Variants in MCRIP1 observed in about 807,000 individuals in gnomAD.
The protein encoded by MCRIP1 is mapk-regulated corepressor-interacting protein 1.
MCRIP1 carries 10 observed loss-of-function variants against 14.4 expected under a neutral mutation model. The ratio of observed to expected loss-of-function variants is 0.70; its 90% confidence interval spans 0.43 to 1.18. The LOEUF (loss-of-function observed/expected upper bound fraction) is 1.18. MCRIP1 is among the 50% of genes most tolerant of loss of function. The pLI, the probability that MCRIP1 is intolerant of heterozygous loss-of-function variation, is 0.00. For synonymous variants in MCRIP1, 53 were observed against 55.7 expected, an observed-to-expected ratio of 0.95 and a Z score of 0.21; for missense variants, 119 against 135.4, an observed-to-expected ratio of 0.88 and a Z score of 0.60.
At chr17:81,832,053 G>A (rs542792432) in intron 1 of MCRIP1, among the ~76,000 whole-genome samples, 3 of 152,304 alleles carry the variant, frequency 2.0e-5, no homozygotes, top group African/African-American at 7.2e-5. Context: ...AACAGGCCAT[G>A]AGGTAACACT....
chr17:81,827,709 G>A (rs529312516), intron 1 of MCRIP1, among the ~76,000 whole-genome samples: 1 of 151,816 alleles, frequency 6.6e-6, no homozygotes, highest in Admixed American at 6.6e-5. Context: ...GTGACAGAGG[G>A]AGACTCTGTC....
intron 1 of MCRIP1, chr17:81,825,925 T>C (rs1423436973): frequency 7.7e-7 from 1 of 1,296,182 alleles, no homozygotes. Context: ...GAAGCTCCCG[T>C]TACAGAGAAA....
rs1476492595 is a variant in MCRIP1 at position 81,828,876 on chromosome 17, A to T, written c.-48-4322T>A. On this transcript the variant is annotated intron_variant, in intron 1 of 4. Transcript: ENST00000455127. The stretch of plus-strand genomic sequence containing the variant: ...CCATGGAGCCACAATAAGGCCTCCA[A>T]CAACCTCAGCGGGGCGGCCTAGCAT... Among the ~76,000 whole-genome samples, 3 of 152,346 alleles carry T rather than the reference A, an allele frequency of 2.0e-5. No homozygotes were observed. The East Asian group carries it at 5.8e-4, about 29-fold the overall frequency.
At position 81,824,552 on chromosome 17, in the gene MCRIP1, C is replaced by T. The variant is rs1416093456; in HGVS notation, c.-46G>A. 31 of 1,535,908 alleles carry T rather than the reference C, an allele frequency of 2.0e-5. No individual in the cohort carries two copies. The highest frequency in any genetic ancestry group is 4.9e-5 in the East Asian group (2 of 40,908). On this transcript the variant is annotated splice_region_variant and 5_prime_UTR_variant, in exon 2 of 5. Coordinates refer to ENST00000455127, the MANE Select transcript of MCRIP1 (RefSeq NM_207368.5). ...GCGCTCCACCGCCAGATCCCCTCAG[C>T]CTCTGAAACAGAAGCCAGCGCAGGC... is the stretch of plus-strand genomic sequence containing the variant.
intron 1 of MCRIP1, chr17:81,826,121 G>A (rs1002505784): frequency 4.4e-5 from 65 of 1,481,742 alleles, no homozygotes; most frequent in Non-Finnish European, 5.6e-5. Flanking sequence ...CCTTTGGCCT[G>A]GGATCCCCCT....
In MCRIP1 at chr17:81,823,913, C is replaced by T. The variant is rs540331099; in HGVS notation, c.127+374G>A. On this transcript the variant is annotated intron_variant, in intron 3 of 4. Transcript: ENST00000455127. The surrounding 1 kb of genome is among the most constrained non-coding windows in gnomAD (Gnocchi z 6.0). Reference sequence around the variant, plus strand: ...CCACCTCCCGGCCACTTCTGCAACACGCCCGTTCATGGCTGGATGCGTGCC... The same window carrying T: ...CCACCTCCCGGCCACTTCTGCAACATGCCCGTTCATGGCTGGATGCGTGCC... 3.9e-6 allele frequency: 2 copies of T among 514,022 alleles called. No individual in the cohort carries two copies. Among genetic ancestry groups the T allele is most frequent in the Non-Finnish European group, 3.5e-6 (1 of 289,820 alleles). The allele number at this position is 514,022 out of a possible 1,614,324, so 31.8% of individuals were successfully genotyped here.
chr17:81,827,776 A>ATTTTTT (rs757592037), intron 1 of MCRIP1, among the ~76,000 whole-genome samples: 5 of 110,772 alleles, frequency 4.5e-5, no homozygotes, highest in African/African-American at 1.1e-4. Context: ...GCACCCATAC[A>ATTTTTT]TTTTTTTTTT....
intron 1 of MCRIP1, among the ~76,000 whole-genome samples, chr17:81,827,113 G>A (rs1183549400): frequency 8.2e-5 from 12 of 146,006 alleles, no homozygotes; most frequent in African/African-American, 2.3e-4. Context: ...GCAAGACTCC[G>A]TCTAAAAGAA....
intron 1 of MCRIP1, chr17:81,825,445 T>G (rs1032986219): frequency 6.7e-6 from 8 of 1,187,356 alleles, no homozygotes; most frequent in Non-Finnish European, 2.1e-6. Flanking sequence ...GGGAGGGGAG[T>G]CCCAGGATTC....
Position 81,823,413 on chromosome 17 carries a change from C to G in MCRIP1, c.228G>C (p.Lys76Asn). 6.5e-7 allele frequency: 1 copy of G among 1,536,752 alleles called. No individual in the cohort carries two copies. Among genetic ancestry groups the G allele is most frequent in the East Asian group, 2.4e-5 (1 of 40,896 alleles). ...GCCCCCAGGTCAGCCCCCACTCACTCTTCAGGCTGGGGTTAGGGACCTTCT... is the reference window on the plus strand; with the variant it reads ...GCCCCCAGGTCAGCCCCCACTCACTGTTCAGGCTGGGGTTAGGGACCTTCT... ...YVEKVPNPSL[K>N]TFKPIDLSDL... The change falls in exon 4 of 5, where the codon AAG (lysine) becomes AAC (asparagine). Residue 76 changes from lysine (K) to asparagine (N), a missense_variant and splice_region_variant. By Grantham distance (94) the Lys-to-Asn change is moderately conservative. Transcript: ENST00000455127. The surrounding 1 kb of genome is among the most constrained non-coding windows in gnomAD (Gnocchi z 6.0).
intron 1 of MCRIP1, 133 bp from the exon 2 acceptor site, chr17:81,824,687 G>T (rs2038352248): frequency 1.4e-6 from 2 of 1,475,052 alleles, no homozygotes; most frequent in Non-Finnish European, 1.8e-6. Context: ...GCCTACCAGG[G>T]TGTCCCCCAC....
chr17:81,826,059 C>A, intron 1 of MCRIP1: 1 of 1,455,954 alleles, frequency 6.9e-7, no homozygotes. Context: ...CGTGGCTCTT[C>A]TCCCCATGCA....
chr17:81,831,173 C>CAAA (rs552681742), intron 1 of MCRIP1, among the ~76,000 whole-genome samples: 1 of 114,050 alleles, frequency 8.8e-6, no homozygotes, highest in Non-Finnish European at 1.8e-5. Flanking sequence ...CTCTGTCTCT[C>CAAA]AAAAAAAAAA....
At position 81,823,003 on chromosome 17, in the gene MCRIP1, T is replaced by G. The variant is rs1372755434; in HGVS notation, c.*244A>C. The G allele has an allele frequency of 1.7e-6, 1 of 594,448 alleles. No homozygotes were observed. Among genetic ancestry groups the G allele is most frequent in the Non-Finnish European group, 3.0e-6 (1 of 334,898 alleles). The allele number at this position is 594,448 out of a possible 1,614,324, so 36.8% of individuals were successfully genotyped here. A position where few individuals can be genotyped will look rare whatever the true frequency, so the allele number is the denominator to read the frequency against. ...AGCTTCAAAAATGCAGCCAGGTGGCTGGGGGAGGGCAGGAGGGTGGGCAGG... is the reference window on the plus strand; with the variant it reads ...AGCTTCAAAAATGCAGCCAGGTGGCGGGGGGAGGGCAGGAGGGTGGGCAGG... On this transcript the variant is annotated 3_prime_UTR_variant, in exon 5 of 5. Transcript: ENST00000455127. The surrounding 1 kb of genome is among the most constrained non-coding windows in gnomAD (Gnocchi z 6.0).
At chr17:81,829,239 C>T (rs1156750334) in intron 1 of MCRIP1, among the ~76,000 whole-genome samples, 1 of 150,962 alleles carries the variant, frequency 6.6e-6, no homozygotes, top group Non-Finnish European at 1.5e-5. Context: ...GGCGGCCTGA[C>T]CGAGGCCGAC....
intron 1 of MCRIP1, among the ~76,000 whole-genome samples, chr17:81,830,546 A>G (rs1032727494): frequency 6.6e-6 from 1 of 152,102 alleles, no homozygotes; most frequent in African/African-American, 2.4e-5. Context: ...CTGCGGCAGG[A>G]GAATCGCTTG....
In MCRIP1 at chr17:81,823,180, C is replaced by T. The variant is rs2038306614; in HGVS notation, c.*67G>A. 6.8e-7 allele frequency: 1 copy of T among 1,471,374 alleles called. No individual in the cohort carries two copies. The highest frequency in any genetic ancestry group is 2.0e-5 in the Admixed American group (1 of 50,868). The allele number at this position is 1,471,374 out of a possible 1,614,324, so 91.1% of individuals were successfully genotyped here. ...CACCCCCATCCCAGGGGCAGGACCA[C>T]AGGACAGGAGGGAACCGACACCTCG... On this transcript the variant is annotated 3_prime_UTR_variant, in exon 5 of 5. Coordinates refer to ENST00000455127, the MANE Select transcript of MCRIP1 (RefSeq NM_207368.5). This position sits in a 1 kb window ranked among gnomAD's most constrained non-coding sequence, Gnocchi z 6.0.
intron 1 of MCRIP1, chr17:81,825,663 A>T (rs1324488968): frequency 7.8e-7 from 1 of 1,289,338 alleles, no homozygotes; most frequent in East Asian, 5.6e-5. Context: ...CAAAACCAGC[A>T]AAGAGCAGAA....
chr17:81,823,549 T>TG lies in MCRIP1; in HGVS notation c.128-37dup. 6.6e-7 allele frequency: 1 copy of TG among 1,516,538 alleles called. No individual in the cohort carries two copies. Among genetic ancestry groups the TG allele is most frequent in the Non-Finnish European group, 8.8e-7 (1 of 1,130,046 alleles). The allele number at this position is 1,516,538 out of a possible 1,614,324, so 93.9% of individuals were successfully genotyped here. A position where few individuals can be genotyped will look rare whatever the true frequency, so the allele number is the denominator to read the frequency against. On this transcript the variant is annotated intron_variant, in intron 3 of 4. Transcript: ENST00000455127. The surrounding 1 kb of genome is among the most constrained non-coding windows in gnomAD (Gnocchi z 6.0). Reference sequence around the variant, plus strand: ...AGAGAGTGGTGTGCTCAGGGCCCCCTGCCCCAGGGGGTGGCATCCACGTCA... The same window carrying TG: ...AGAGAGTGGTGTGCTCAGGGCCCCCTGGCCCCAGGGGGTGGCATCCACGTCA...
Sources: gnomAD v4.1 joint callset for allele counts (sites outside exome capture counted in the v4.1 genomes callset) on GRCh38, gnomAD v4.1.1 for gene constraint, Gnocchi (gnomAD v3.1) non-coding constraint, MANE v1.5 for transcripts, NCBI Gene and HGNC (gene_info 2026-07-23, HGNC 2026-07-21) for gene names.